NBAS: variants seen among roughly 807,000 people sequenced by gnomAD.
NBAS encodes NBAS subunit of NRZ tethering complex.
Under a neutral mutation model 302.5 loss-of-function variants are expected in NBAS, and 219 were observed. That is an observed-to-expected ratio of 0.72 (90% CI 0.65 to 0.81). The LOEUF is 0.81. Ranked by LOEUF, NBAS falls within the 30% of genes least tolerant of loss-of-function variation. The pLI is 0.00. For missense variants in NBAS, 2,932 were observed against 2,841.6 expected, an observed-to-expected ratio of 1.03 and a Z score of -0.72; for synonymous variants, 1,118 against 1,021.6, an observed-to-expected ratio of 1.09 and a Z score of -1.80.
the NBAS span, among the ~76,000 whole-genome samples, chr2:15,111,230 GATAGGT>G: frequency 6.6e-6 from 1 of 152,132 alleles, no homozygotes; most frequent in Non-Finnish European, 1.5e-5. Flanking sequence ...ATGGTTGTGA[GATAGGT>G]GTGTCTTTTA....
downstream of NBAS, among the ~76,000 whole-genome samples, chr2:15,164,258 T>C (rs535847098): frequency 2.2e-4 from 33 of 152,064 alleles, no homozygotes; most frequent in Non-Finnish European, 4.3e-4. Context: ...TAGAGCAGAG[T>C]GTGTCATTCA....
chr2:15,203,103 A>G (rs1287420083), intron 48 of NBAS, among the ~76,000 whole-genome samples: 2 of 152,238 alleles, frequency 1.3e-5, no homozygotes, highest in African/African-American at 4.8e-5. Flanking sequence ...TGAGAATAAT[A>G]TAGTATAGCA....
At chr2:14,960,848 C>G in the NBAS span, among the ~76,000 whole-genome samples, 2 of 152,302 alleles carry the variant, frequency 1.3e-5, no homozygotes, top group East Asian at 3.9e-4. Flanking sequence ...TGAACAAGAC[C>G]TGGCCTTCCT....
chr2:15,083,526 G>A, the NBAS span, among the ~76,000 whole-genome samples: 1 of 152,162 alleles, frequency 6.6e-6, no homozygotes, highest in South Asian at 2.1e-4. Flanking sequence ...AATTGTTGTG[G>A]GATGAAATTA....
intron 6 of NBAS, among the ~76,000 whole-genome samples, chr2:15,546,968 A>G (rs1307924992): frequency 1.3e-5 from 2 of 152,188 alleles, no homozygotes; most frequent in African/African-American, 2.4e-5. Context: ...CAGTTAGGAA[A>G]CTCGCATTTA....
intron 45 of NBAS, 88 bp from the exon 46 acceptor site, chr2:15,234,835 A>AGG: frequency 7.5e-7 from 1 of 1,334,006 alleles, no homozygotes; most frequent in Non-Finnish European, 1.1e-6. Flanking sequence ...TAGATCCTCG[A>AGG]ACCAAATACA....
At chr2:15,501,096 C>T (rs1661523641) in intron 11 of NBAS, among the ~76,000 whole-genome samples, 1 of 151,812 alleles carries the variant, frequency 6.6e-6, no homozygotes, top group Non-Finnish European at 1.5e-5. Flanking sequence ...GGTCAGGAGA[C>T]CTAGACCATC....
At chr2:15,026,754 G>A in the NBAS span, among the ~76,000 whole-genome samples, 1 of 152,034 alleles carries the variant, frequency 6.6e-6, no homozygotes, top group Non-Finnish European at 1.5e-5. Context: ...TGTACATGCA[G>A]TTTTCTAGAT....
the NBAS span, among the ~76,000 whole-genome samples, chr2:14,799,497 G>A: frequency 6.6e-6 from 1 of 151,966 alleles, no homozygotes; most frequent in Admixed American, 6.6e-5. Context: ...CTTAGTAAAA[G>A]TCTTATTTTT....
At chr2:15,399,677 T>C (rs1482681994) in intron 26 of NBAS, among the ~76,000 whole-genome samples, 3 of 151,874 alleles carry the variant, frequency 2.0e-5, no homozygotes, top group Non-Finnish European at 4.4e-5. Context: ...AAGGAAAAAA[T>C]ATAAGAACAT....
the NBAS span, among the ~76,000 whole-genome samples, chr2:14,895,488 C>T: frequency 6.6e-6 from 1 of 152,174 alleles, no homozygotes. Flanking sequence ...CCTGTAATCC[C>T]AGCACTTTGG....
chr2:15,354,317 T>C (rs1476888700), intron 33 of NBAS, among the ~76,000 whole-genome samples: 2 of 152,224 alleles, frequency 1.3e-5, no homozygotes, highest in Non-Finnish European at 2.9e-5. Context: ...AGGGATCTTT[T>C]TCCTATACAT....
intron 9 of NBAS, among the ~76,000 whole-genome samples, chr2:15,526,170 T>C (rs956901587): frequency 6.6e-6 from 1 of 152,104 alleles, no homozygotes; most frequent in Non-Finnish European, 1.5e-5. Flanking sequence ...TGGGGTAGGT[T>C]GAAGAAAGGA....
chr2:15,044,170 C>T, the NBAS span, among the ~76,000 whole-genome samples: 1 of 152,076 alleles, frequency 6.6e-6, no homozygotes, highest in African/African-American at 2.4e-5. Flanking sequence ...AGACAATTCC[C>T]CAGTTGTGCT....
the NBAS span, among the ~76,000 whole-genome samples, chr2:14,920,599 C>T: frequency 6.6e-6 from 1 of 152,148 alleles, no homozygotes; most frequent in Non-Finnish European, 1.5e-5. Context: ...GTGTAGCCAC[C>T]TTCATCAATT....
the NBAS span, among the ~76,000 whole-genome samples, chr2:14,895,739 C>CAA: frequency 8.4e-5 from 8 of 95,466 alleles, 1 homozygote; most frequent in African/African-American, 1.2e-4. Flanking sequence ...GACTCCGTCT[C>CAA]AAAAAAAAAA....
At chr2:15,543,300 C>T (rs1663941884) in intron 6 of NBAS, among the ~76,000 whole-genome samples, 1 of 152,200 alleles carries the variant, frequency 6.6e-6, no homozygotes, top group Non-Finnish European at 1.5e-5. Context: ...TAACACTCCA[C>T]TGGCTTTTTT....
At chr2:15,547,878 C>T (rs1159952405) in intron 6 of NBAS, among the ~76,000 whole-genome samples, 1 of 152,126 alleles carries the variant, frequency 6.6e-6, no homozygotes, top group Non-Finnish European at 1.5e-5. Flanking sequence ...GGCTAGAGCC[C>T]CAAGCTTTAG....
intron 47 of NBAS, among the ~76,000 whole-genome samples, chr2:15,229,347 CAAAAAAAAAAA>C (rs61152926): frequency 1.3e-4 from 10 of 76,928 alleles, no homozygotes; most frequent in Admixed American, 3.3e-4. Context: ...TCTCAAAAAA[CAAAAAAAAAAA>C]AAAAAAAAAA....
Sources: allele counts gnomAD v4.1 joint callset (sites outside exome capture counted in the v4.1 genomes callset), GRCh38; gene constraint gnomAD v4.1.1; transcripts MANE v1.5; gene names NCBI Gene and HGNC (gene_info 2026-07-23, HGNC 2026-07-21).